PNPLA8: variants seen among roughly 807,000 people sequenced by gnomAD.
PNPLA8 encodes the protein patatin like domain 8, phospholipase A2, also known as calcium-independent phospholipase A2-gamma.
PNPLA8 carries 39 observed loss-of-function variants against 76.9 expected under a neutral mutation model. The ratio of observed to expected loss-of-function variants is 0.51; its 90% CI spans 0.39 to 0.66. The LOEUF (loss-of-function observed/expected upper bound fraction) is 0.66, where lower values mean the gene tolerates loss of function less well. Ranked by LOEUF, PNPLA8 falls within the 30% of genes least tolerant of loss-of-function variation. The probability of loss-of-function intolerance (pLI) is 0.00; values close to 1 mark genes in which losing one functional copy is unlikely to be tolerated. For missense variants in PNPLA8, 887 were observed against 918.0 expected, an observed-to-expected ratio of 0.97 and a Z score of 0.44; for synonymous variants, 301 against 307.9, an observed-to-expected ratio of 0.98 and a Z score of 0.24.
At position 108,472,182 on chromosome 7, in the gene PNPLA8, G is replaced by C; in HGVS notation, c.*219C>G. ...GCACAGTAAGGGTTACTAAAGCTTAGCTAATTATTAACATCTTAAAAGCCT... is the reference window on the plus strand; with the variant it reads ...GCACAGTAAGGGTTACTAAAGCTTACCTAATTATTAACATCTTAAAAGCCT... On this transcript the variant is annotated 3_prime_UTR_variant, in exon 11 of 11. Transcript: ENST00000257694. The C allele has an allele frequency of 2.4e-6, 1 of 410,256 alleles. No homozygotes were observed. Among genetic ancestry groups the C allele is most frequent in the Non-Finnish European group, 4.4e-6 (1 of 225,520 alleles). 25.4% of individuals were successfully genotyped at this position (410,256 alleles called of 1,614,324 possible).
At chr7:108,514,077 T>C (rs2154516657) in intron 4 of PNPLA8, 67 bp downstream of exon 4, 1 of 1,110,642 alleles carries the variant, frequency 9.0e-7, no homozygotes. Context: ...CTTTGCCTTC[T>C]CCATTTTAGA....
At chr7:108,528,053 A>G (rs569499790), upstream of PNPLA8, 2 of 152,158 alleles carry the variant, frequency 1.3e-5, no homozygotes, top group South Asian at 4.1e-4. Context: ...GTCTACCACC[A>G]TACCTTTAAT....
rs1346123943 is a variant in PNPLA8, at chr7:108,515,090, T to C, written c.402A>G (p.Gln134=). 6 of 1,604,764 alleles carry C rather than the reference T, an allele frequency of 3.7e-6. No homozygotes were observed. In the African/African-American group the frequency reaches 8.1e-5, roughly 22 times the overall value. The part of the protein sequence containing the change: ...SRLAQFKPSS[Q]ILRKVSDSGW... Reference sequence around the variant, plus strand: ...CACTATCCGATACTTTTCTTAAAATTTGGGAACTTGGCTTAAATTGAGCTA... The same window carrying C: ...CACTATCCGATACTTTTCTTAAAATCTGGGAACTTGGCTTAAATTGAGCTA... The change falls in exon 3 of 11, where the codon CAA becomes CAG. Residue 134 remains glutamine, a synonymous_variant. Coordinates refer to ENST00000257694, the MANE Select transcript of PNPLA8 (RefSeq NM_001256007.3).
At chr7:108,525,053 A>C (rs1367187896) in intron 1 of PNPLA8, among the ~76,000 whole-genome samples, 1 of 152,238 alleles carries the variant, frequency 6.6e-6, no homozygotes, top group East Asian at 1.9e-4. Context: ...GGCGTTTACA[A>C]GATTTTAATT....
chr7:108,522,954 G>A (rs903092169), intron 1 of PNPLA8, among the ~76,000 whole-genome samples: 1 of 152,084 alleles, frequency 6.6e-6, no homozygotes, highest in Non-Finnish European at 1.5e-5. Flanking sequence ...AAGTTTAATT[G>A]CCCCCAAATC....
intron 9 of PNPLA8, 48 bp from the exon 10 acceptor site, chr7:108,479,427 G>T (rs756531903): frequency 2.3e-6 from 3 of 1,311,756 alleles, no homozygotes; most frequent in Non-Finnish European, 3.2e-6. Flanking sequence ...TGACTCACGG[G>T]GAAAGCTGAA....
In PNPLA8 at chr7:108,496,991, G is replaced by A. The variant is rs879620423; in HGVS notation, c.1454-236C>T. Among the ~76,000 whole-genome samples, 871 of 151,736 alleles carry A rather than the reference G, an allele frequency of 5.7e-3. 3 individuals carry two copies. Among genetic ancestry groups the A allele is most frequent in the Non-Finnish European group, 9.0e-3 (613 of 67,910 alleles). On this transcript the variant is annotated intron_variant, in intron 6 of 10. Transcript: ENST00000257694. ...TTAACAAATGTAAAGGGATTTACCA[G>A]GTCTCAAAAAGGATTAAATAAATGC... is the stretch of plus-strand genomic sequence containing the variant.
At chr7:108,493,066 G>GA (rs1861299577) in intron 7 of PNPLA8, among the ~76,000 whole-genome samples, 1 of 152,154 alleles carries the variant, frequency 6.6e-6, no homozygotes, top group Admixed American at 6.5e-5. Flanking sequence ...AAGAACAGAA[G>GA]AAACACCCAG....
intron 1 of PNPLA8, among the ~76,000 whole-genome samples, chr7:108,522,564 G>A (rs1219811830): frequency 6.6e-6 from 1 of 152,114 alleles, no homozygotes; most frequent in Non-Finnish European, 1.5e-5. Flanking sequence ...TCACTAAAAT[G>A]TATAGAGGCA....
chr7:108,517,254 A>C (rs1195557569), intron 2 of PNPLA8, among the ~76,000 whole-genome samples: 2 of 152,230 alleles, frequency 1.3e-5, no homozygotes, highest in Non-Finnish European at 2.9e-5. Flanking sequence ...CATTGAGAAC[A>C]CTAAATGCTG....
chr7:108,514,808 T>C lies in PNPLA8; in HGVS notation c.684A>G (p.Glu228=). The C allele has an allele frequency of 6.2e-7, 1 of 1,613,234 alleles. No individual in the cohort carries two copies. The highest frequency in any genetic ancestry group is 8.5e-7 in the Non-Finnish European group (1 of 1,179,274). ...KEKMSQQKEN[E]HFRDKSELED... is the part of the protein sequence containing the mutation. ...CAAGTTCTGATTTGTCCCGGAAATG[T>C]TCATTTTCCTTTTGTTGAGACATTT... The change falls in exon 3 of 11, where the codon GAA becomes GAG. Residue 228 remains glutamate (E), a synonymous_variant. Coordinates refer to ENST00000257694, the MANE Select transcript of PNPLA8 (RefSeq NM_001256007.3).
intron 2 of PNPLA8, among the ~76,000 whole-genome samples, chr7:108,518,649 C>T (rs1863511322): frequency 6.7e-6 from 1 of 148,764 alleles, no homozygotes; most frequent in Non-Finnish European, 1.5e-5. Context: ...TTCCTGTGAA[C>T]CTAAAAACTA....
chr7:108,501,702 T>A (rs1861959424), intron 5 of PNPLA8, among the ~76,000 whole-genome samples: 1 of 152,164 alleles, frequency 6.6e-6, no homozygotes, highest in Admixed American at 6.5e-5. Flanking sequence ...TGGACACCTA[T>A]AATCCCAGCT....
At chr7:108,497,344 C>CA in intron 6 of PNPLA8, 139 bp downstream of exon 6, 1 of 544,784 alleles carries the variant, frequency 1.8e-6, no homozygotes, top group South Asian at 2.8e-5. Context: ...GAACAAAAGA[C>CA]AAAAAAGGAA....
chr7:108,496,993 T>TC lies in PNPLA8; in HGVS notation c.1454-239dup, dbSNP rs768569437. Among the ~76,000 whole-genome samples, 871 of 152,116 alleles carry TC rather than the reference T, an allele frequency of 5.7e-3. 3 individuals carry two copies. The highest frequency in any genetic ancestry group is 9.0e-3 in the Non-Finnish European group (613 of 67,978). On this transcript the variant is annotated intron_variant, in intron 6 of 10. Coordinates refer to ENST00000257694, the MANE Select transcript of PNPLA8 (RefSeq NM_001256007.3). Reference sequence around the variant, plus strand: ...AACAAATGTAAAGGGATTTACCAGGTCTCAAAAAGGATTAAATAAATGCTA... The same window carrying TC: ...AACAAATGTAAAGGGATTTACCAGGTCCTCAAAAAGGATTAAATAAATGCTA...
intron 2 of PNPLA8, among the ~76,000 whole-genome samples, chr7:108,516,025 G>A (rs935679132): frequency 6.6e-6 from 1 of 152,146 alleles, no homozygotes; most frequent in Non-Finnish European, 1.5e-5. Context: ...CAGACATGGT[G>A]CTAGATGCTG....
intron 2 of PNPLA8, among the ~76,000 whole-genome samples, chr7:108,517,822 T>A (rs1322513813): frequency 6.6e-6 from 1 of 152,112 alleles, no homozygotes; most frequent in Non-Finnish European, 1.5e-5. Flanking sequence ...CAGGCTGGAG[T>A]GCAGTGGCAT....
chr7:108,479,183 C>A lies in PNPLA8; in HGVS notation c.2074+1G>T, dbSNP rs1482350602. The A allele has an allele frequency of 1.9e-6, 3 of 1,600,568 alleles. No homozygotes were observed. The highest frequency in any genetic ancestry group is 2.7e-5 in the African/African-American group (2 of 74,570). On this transcript the variant is annotated splice_donor_variant, in intron 10 of 10. Transcript: ENST00000257694. LOFTEE classifies it high-confidence loss of function. ...ATTTTAAAGCAGCAAACAAGACTAA[C>A]CTTCTGTATCTGTAGCACTGTTGAT...
At chr7:108,520,492 C>T (rs896941141) in intron 2 of PNPLA8, among the ~76,000 whole-genome samples, 3 of 151,836 alleles carry the variant, frequency 2.0e-5, no homozygotes, top group Admixed American at 6.6e-5. Context: ...TTAATGGGTA[C>T]GAACATACAG....
Sources: gnomAD v4.1 joint callset for allele counts (sites outside exome capture counted in the v4.1 genomes callset) on GRCh38, gnomAD v4.1.1 for gene constraint, MANE v1.5 for transcripts, NCBI Gene and HGNC (gene_info 2026-07-23, HGNC 2026-07-21) for gene names.